The following SMYD3 variants were observed in gnomAD, a reference collection of about 807,000 sequenced individuals.
The protein encoded by SMYD3 is histone-lysine N-methyltransferase SMYD3.
SMYD3 carries 36 observed loss-of-function variants against 57.7 expected under a neutral mutation model. That is an observed-to-expected ratio of 0.62 (90% CI 0.48 to 0.82). The LOEUF is 0.82. SMYD3 is among the 40% of genes least tolerant of loss of function. The pLI is 0.00. For missense variants in SMYD3, 515 were observed against 538.8 expected (o/e 0.96, Z 0.44); for synonymous variants, 211 against 195.0 (o/e 1.08, Z -0.68).
chr1:246,125,088 ACACAC>A (rs746162742), intron 5 of SMYD3, among the ~76,000 whole-genome samples: 7 of 134,908 alleles, frequency 5.2e-5, no homozygotes, highest in African/African-American at 1.1e-4. Context: ...AAAAAAAAAA[ACACAC>A]ACACACACAC....
intron 7 of SMYD3, among the ~76,000 whole-genome samples, chr1:245,922,917 T>C (rs2056083202): frequency 6.6e-6 from 1 of 152,262 alleles, no homozygotes; most frequent in Admixed American, 6.5e-5. Context: ...TACAGACTAC[T>C]TAGGTCTTAC....
At chr1:246,248,215 T>C (rs923361540) in intron 5 of SMYD3, among the ~76,000 whole-genome samples, 15 of 152,180 alleles carry the variant, frequency 9.9e-5, no homozygotes, top group Admixed American at 7.9e-4. Flanking sequence ...TGACAAGAAC[T>C]GATGATGTAA....
At chr1:245,893,996 G>A (rs1049236019) in intron 8 of SMYD3, among the ~76,000 whole-genome samples, 1 of 152,282 alleles carries the variant, frequency 6.6e-6, no homozygotes, top group Middle Eastern at 3.4e-3. Flanking sequence ...CCCTAACTTT[G>A]ATATGGTTGT....
chr1:246,505,764 G>A (rs1369231269), intron 1 of SMYD3, among the ~76,000 whole-genome samples: 1 of 152,188 alleles, frequency 6.6e-6, no homozygotes, highest in African/African-American at 2.4e-5. Context: ...GCTTATTTTG[G>A]AAATGCACAA....
chr1:245,867,469 C>T (rs1176378958), intron 8 of SMYD3, among the ~76,000 whole-genome samples: 1 of 144,098 alleles, frequency 6.9e-6, no homozygotes, highest in Non-Finnish European at 1.6e-5. Flanking sequence ...TTGTGCCTGG[C>T]CCTCTCTGTA....
intron 5 of SMYD3, among the ~76,000 whole-genome samples, chr1:246,137,529 T>G (rs2061681945): frequency 6.6e-6 from 1 of 152,200 alleles, no homozygotes; most frequent in African/African-American, 2.4e-5. Context: ...CATTAAGTTT[T>G]TTAAAGTATC....
At chr1:246,392,433 T>C (rs952132252) in intron 1 of SMYD3, among the ~76,000 whole-genome samples, 5 of 152,170 alleles carry the variant, frequency 3.3e-5, no homozygotes, top group Non-Finnish European at 7.3e-5. Context: ...TCAATCCTCA[T>C]AATAACTCCA....
chr1:245,872,135 G>GT (rs141693346), intron 8 of SMYD3, among the ~76,000 whole-genome samples: 6,218 of 152,348 alleles, frequency 0.041, 186 homozygotes, highest in Non-Finnish European at 0.057. Context: ...GGCAATGAGC[G>GT]TAACTGTGAT....
intron 5 of SMYD3, among the ~76,000 whole-genome samples, chr1:246,256,220 T>C (rs957581480): frequency 2.6e-5 from 4 of 152,082 alleles, no homozygotes; most frequent in Non-Finnish European, 4.4e-5. Flanking sequence ...CTGTCTCCCT[T>C]TTTCATGATT....
In SMYD3 at chr1:246,319,153, GATGC is replaced by G. The variant is rs1336171994; in HGVS notation, c.531+8044_531+8047del. Among the ~76,000 whole-genome samples the G allele has an allele frequency of 3.9e-5, 6 of 152,302 alleles. No individual in the cohort carries two copies. The East Asian group carries it at 1.2e-3, about 29-fold the overall frequency. On this transcript the variant is annotated intron_variant, in intron 5 of 11. Coordinates refer to ENST00000490107, the MANE Select transcript of SMYD3 (RefSeq NM_001167740.2). ...ATAAAGACAACATATATAAATCATAGATGCATGACACCGTTTCATAATTAGAATG... is the reference window on the plus strand; with the variant it reads ...ATAAAGACAACATATATAAATCATAGATGACACCGTTTCATAATTAGAATG...
intron 2 of SMYD3, among the ~76,000 whole-genome samples, chr1:246,345,226 A>C (rs1007225700): frequency 5.3e-5 from 8 of 152,216 alleles, no homozygotes; most frequent in Non-Finnish European, 1.2e-4. Context: ...TATTGAACCT[A>C]AATCTTATTA....
In SMYD3 at chr1:245,997,779, G is replaced by C. The variant is rs569765170; in HGVS notation, c.532-67842C>G. 1.1e-4 allele frequency among the ~76,000 whole-genome samples: 16 copies of C among 152,316 alleles called. No individual in the cohort carries two copies. In the East Asian group the frequency reaches 3.1e-3, roughly 29 times the overall value. ...CAGCGGACAGCACTTTAGGACAAAG[G>C]GGGAAGGACAAAGGCAGGATGTGAG... is the stretch of plus-strand genomic sequence containing the variant. On this transcript the variant is annotated intron_variant, in intron 5 of 11. Coordinates refer to ENST00000490107, the MANE Select transcript of SMYD3 (RefSeq NM_001167740.2).
chr1:246,036,807 G>T (rs891225604), intron 5 of SMYD3, among the ~76,000 whole-genome samples: 2 of 149,278 alleles, frequency 1.3e-5, no homozygotes, highest in African/African-American at 4.9e-5. Context: ...CTCGTGATCC[G>T]CCCGCCTCGG....
At chr1:245,785,627 C>T (rs988200565) in intron 10 of SMYD3, among the ~76,000 whole-genome samples, 1 of 151,022 alleles carries the variant, frequency 6.6e-6, no homozygotes, top group Non-Finnish European at 1.5e-5. Context: ...GCACCTCTCC[C>T]CCAGAGAGAG....
intron 5 of SMYD3, among the ~76,000 whole-genome samples, chr1:245,989,391 T>C (rs7551722): frequency 1 from 152,021 of 152,338 alleles, 75,854 homozygotes; most frequent in Middle Eastern, 1. Context: ...TCTTCACCTA[T>C]GTTTAGGCTG....
chr1:245,845,126 T>C (rs1035022324), intron 10 of SMYD3, among the ~76,000 whole-genome samples: 1 of 152,194 alleles, frequency 6.6e-6, no homozygotes, highest in Non-Finnish European at 1.5e-5. Flanking sequence ...ATATTTGATA[T>C]ACATAACTTC....
chr1:245,897,100 A>T (rs1264430239), intron 8 of SMYD3, among the ~76,000 whole-genome samples: 2 of 152,274 alleles, frequency 1.3e-5, no homozygotes, highest in African/African-American at 2.4e-5. Flanking sequence ...AGTAGCATGC[A>T]TTAAAGTAAA....
intron 5 of SMYD3, among the ~76,000 whole-genome samples, chr1:246,022,297 A>G (rs1572902349): frequency 6.6e-6 from 1 of 152,196 alleles, no homozygotes; most frequent in Non-Finnish European, 1.5e-5. Flanking sequence ...AAGCATCTCT[A>G]TACGAAGATG....
intron 5 of SMYD3, among the ~76,000 whole-genome samples, chr1:246,163,685 T>C (rs375880968): frequency 1.3e-5 from 2 of 152,328 alleles, no homozygotes; most frequent in African/African-American, 2.4e-5. Context: ...TGTAAGCATC[T>C]TGAGAAATAA....
Sources: allele counts gnomAD v4.1 joint callset (sites outside exome capture counted in the v4.1 genomes callset), GRCh38; gene constraint gnomAD v4.1.1; transcripts MANE v1.5; gene names NCBI Gene and HGNC (gene_info 2026-07-23, HGNC 2026-07-21).